VPS13B: variants seen among roughly 807,000 people sequenced by gnomAD.
VPS13B encodes intermembrane lipid transfer protein VPS13B.
A neutral mutation model predicts 426.4 loss-of-function variants in VPS13B; 285 were observed. The ratio of observed to expected loss-of-function variants is 0.67; its 90% CI spans 0.61 to 0.74. The LOEUF (loss-of-function observed/expected upper bound fraction) is 0.74, where lower values mean the gene tolerates loss of function less well. Ranked by LOEUF, VPS13B falls within the 30% of genes least tolerant of loss-of-function variation. The probability of loss-of-function intolerance (pLI) is 0.00; values close to 1 mark genes in which losing one functional copy is unlikely to be tolerated. For missense variants in VPS13B, 4,537 were observed against 4,782.6 expected (o/e 0.95, Z 1.51); for synonymous variants, 1,676 against 1,676.4 (o/e 1.00, Z 0.01).
intron 19 of VPS13B, among the ~76,000 whole-genome samples, chr8:99,339,938 CA>C (rs1434362771): frequency 2.0e-5 from 3 of 152,088 alleles, no homozygotes; most frequent in Non-Finnish European, 2.9e-5. Context: ...TTAATGCCAA[CA>C]AATAACAAAA....
Position 99,147,900 on chromosome 8 carries a change from T to C in VPS13B, c.1903T>C (p.Tyr635His), listed in dbSNP as rs2132596779. Reference sequence around the variant, plus strand: ...TGAAGAGGTGGCTCTTCTGGAGGAATATATTCCTACTCGACATACAAGTGT... The same window carrying C: ...TGAAGAGGTGGCTCTTCTGGAGGAACATATTCCTACTCGACATACAAGTGT... ...NPEEVALLEEYIPTRHTSVTL... is the reference protein window; with the variant it reads ...NPEEVALLEEHIPTRHTSVTL... The change falls in exon 14 of 62, where the codon TAT (tyrosine) becomes CAT (histidine). Residue 635 changes from tyrosine to histidine, a missense_variant. By Grantham distance (83) the Tyr-to-His change is moderately conservative. This residue lies in a region of VPS13B where 4,311 missense variants were observed against 4,474.3 expected (regional missense o/e 0.96). Coordinates refer to ENST00000357162, the MANE Select transcript of VPS13B (RefSeq NM_152564.5). 6.2e-7 allele frequency: 1 copy of C among 1,612,822 alleles called. No homozygotes were observed. The highest frequency in any genetic ancestry group is 1.3e-5 in the African/African-American group (1 of 75,016).
intron 55 of VPS13B, among the ~76,000 whole-genome samples, chr8:99,852,464 A>G (rs1220018407): frequency 2.0e-5 from 3 of 152,254 alleles, no homozygotes; most frequent in African/African-American, 7.2e-5. Context: ...GGAGAGGAAG[A>G]GGGATCTGCA....
At chr8:99,192,558 C>T (rs1358612581) in intron 16 of VPS13B, among the ~76,000 whole-genome samples, 1 of 152,146 alleles carries the variant, frequency 6.6e-6, no homozygotes, top group East Asian at 1.9e-4. Context: ...TAAATCCTTT[C>T]TAAGTGTTAA....
At chr8:99,633,635 C>T (rs1489374368) in intron 33 of VPS13B, among the ~76,000 whole-genome samples, 1 of 152,004 alleles carries the variant, frequency 6.6e-6, no homozygotes, top group Non-Finnish European at 1.5e-5. Flanking sequence ...ATGGTTTCCA[C>T]ATTGACATCA....
intron 32 of VPS13B, among the ~76,000 whole-genome samples, chr8:99,576,579 A>G (rs1231572090): frequency 1.3e-5 from 2 of 152,024 alleles, no homozygotes; most frequent in East Asian, 1.9e-4. Flanking sequence ...TCTCATTTGC[A>G]TTTGGACTAG....
At chr8:99,123,412 A>T (rs749242447) in intron 8 of VPS13B, among the ~76,000 whole-genome samples, 13 of 152,176 alleles carry the variant, frequency 8.5e-5, no homozygotes, top group Non-Finnish European at 1.5e-4. Flanking sequence ...GGTATGAAAG[A>T]TAAGAGGGGT....
intron 19 of VPS13B, among the ~76,000 whole-genome samples, chr8:99,332,074 A>G (rs1407398654): frequency 4.0e-5 from 6 of 151,636 alleles, no homozygotes; most frequent in Admixed American, 4.0e-4. Flanking sequence ...CTTTGTTTTT[A>G]TTTATTGTAG....
intron 39 of VPS13B, among the ~76,000 whole-genome samples, chr8:99,746,168 A>G (rs568211489): frequency 6.6e-6 from 1 of 152,038 alleles, no homozygotes; most frequent in African/African-American, 2.4e-5. Context: ...CTATTCCCCC[A>G]TATCTTCTGT....
chr8:99,267,815 A>G (rs1477436555), intron 17 of VPS13B, among the ~76,000 whole-genome samples: 1 of 152,206 alleles, frequency 6.6e-6, no homozygotes, highest in Non-Finnish European at 1.5e-5. Flanking sequence ...AATGAGGAGC[A>G]GAATGTTAAT....
At chr8:99,693,792 A>C (rs1258140730) in intron 35 of VPS13B, among the ~76,000 whole-genome samples, 1 of 149,800 alleles carries the variant, frequency 6.7e-6, no homozygotes, top group Non-Finnish European at 1.5e-5. Context: ...TTTATCTAGA[A>C]AACCCCATCG....
intron 35 of VPS13B, chr8:99,697,284 C>A: frequency 1.7e-6 from 1 of 576,146 alleles, no homozygotes; most frequent in Non-Finnish European, 3.1e-6. Flanking sequence ...GCTGCAGAAG[C>A]GCTCGGAGTT....
intron 19 of VPS13B, among the ~76,000 whole-genome samples, chr8:99,336,218 C>T (rs997969774): frequency 2.6e-5 from 4 of 151,928 alleles, no homozygotes; most frequent in Non-Finnish European, 5.9e-5. Context: ...CGCATATCTA[C>T]AACTATCTGA....
At chr8:99,225,142 A>G (rs1476875165) in intron 17 of VPS13B, among the ~76,000 whole-genome samples, 1 of 152,214 alleles carries the variant, frequency 6.6e-6, no homozygotes, top group Non-Finnish European at 1.5e-5. Flanking sequence ...TGCTTCAGCT[A>G]CAACCCATAC....
chr8:99,421,325 C>T (rs1030904571), intron 21 of VPS13B, among the ~76,000 whole-genome samples: 10 of 152,032 alleles, frequency 6.6e-5, no homozygotes, highest in Admixed American at 2.6e-4. Context: ...AATGAGATTG[C>T]GATGTTAAAT....
intron 17 of VPS13B, among the ~76,000 whole-genome samples, chr8:99,210,447 C>T (rs1470389046): frequency 2.0e-5 from 3 of 151,986 alleles, no homozygotes; most frequent in African/African-American, 7.3e-5. Flanking sequence ...TCCACTGGAT[C>T]GGATATCGGG....
intron 3 of VPS13B, among the ~76,000 whole-genome samples, chr8:99,062,090 T>C (rs1242426720): frequency 6.6e-6 from 1 of 152,216 alleles, no homozygotes; most frequent in East Asian, 1.9e-4. Context: ...ATGTTTTTGC[T>C]TCCTTCAACT....
chr8:99,515,667 G>A (rs1056814841), intron 29 of VPS13B, among the ~76,000 whole-genome samples: 4 of 151,982 alleles, frequency 2.6e-5, no homozygotes, highest in African/African-American at 9.7e-5. Flanking sequence ...CAACTTTTTA[G>A]TGGTGTTTTT....
intron 23 of VPS13B, among the ~76,000 whole-genome samples, chr8:99,458,234 A>G (rs1244491825): frequency 1.3e-5 from 2 of 152,196 alleles, no homozygotes; most frequent in East Asian, 1.9e-4. Flanking sequence ...ATGTCCCTGC[A>G]AAGGACATGA....
chr8:99,359,458 T>C (rs1437425509), intron 19 of VPS13B, among the ~76,000 whole-genome samples: 3 of 152,120 alleles, frequency 2.0e-5, no homozygotes, highest in Admixed American at 1.3e-4. Context: ...GAGATGAACA[T>C]AAAGGCTAAG....
Sources: gnomAD v4.1 joint callset for allele counts (sites outside exome capture counted in the v4.1 genomes callset) on GRCh38, gnomAD v4.1.1 for gene constraint, gnomAD v4.1.1 regional missense constraint, MANE v1.5 for transcripts, NCBI Gene and HGNC (gene_info 2026-07-23, HGNC 2026-07-21) for gene names.